The following KCNH1 variants were observed in gnomAD, a reference collection of about 807,000 sequenced individuals.
KCNH1 encodes the protein potassium voltage-gated channel subfamily H member 1.
Under a neutral mutation model 69.2 loss-of-function variants are expected in KCNH1, and 27 were observed. That is an observed-to-expected ratio of 0.39 (90% confidence interval 0.29 to 0.54). KCNH1 has a LOEUF of 0.54. KCNH1 is among the 20% of genes least tolerant of loss of function. The probability of loss-of-function intolerance (pLI) is 0.68; values close to 1 mark genes in which losing one functional copy is unlikely to be tolerated. For synonymous variants in KCNH1, 456 were observed against 487.7 expected (o/e 0.93, Z 0.86); for missense variants, 798 against 1,261.6 (o/e 0.63, Z 5.57).
At chr1:210,928,076 A>C (rs1428406575) in intron 6 of KCNH1, among the ~76,000 whole-genome samples, 1 of 152,156 alleles carries the variant, frequency 6.6e-6, no homozygotes, top group Non-Finnish European at 1.5e-5. Context: ...TTACTACTAG[A>C]CCTAAGAAAT....
chr1:211,084,563 A>G (rs1299585900), intron 4 of KCNH1, among the ~76,000 whole-genome samples: 1 of 152,242 alleles, frequency 6.6e-6, no homozygotes, highest in Non-Finnish European at 1.5e-5. Flanking sequence ...TCTCTGGCCT[A>G]GCCCTGATTC....
At chr1:211,036,868 G>A (rs535987026) in intron 5 of KCNH1, among the ~76,000 whole-genome samples, 1 of 152,174 alleles carries the variant, frequency 6.6e-6, no homozygotes, top group East Asian at 1.9e-4. Flanking sequence ...TTCCCCAAAG[G>A]CAGATGCTAC....
At chr1:211,069,363 A>C (rs1475096785) in intron 5 of KCNH1, among the ~76,000 whole-genome samples, 5 of 149,292 alleles carry the variant, frequency 3.3e-5, no homozygotes, top group African/African-American at 1.2e-4. Context: ...AAAAGTCACA[A>C]GGCATATTGA....
At chr1:210,939,491 C>A (rs761504153) in intron 6 of KCNH1, among the ~76,000 whole-genome samples, 1 of 152,116 alleles carries the variant, frequency 6.6e-6, no homozygotes, top group Non-Finnish European at 1.5e-5. Context: ...TCAGCAAGTG[C>A]AAGATGTCCT....
intron 6 of KCNH1, among the ~76,000 whole-genome samples, chr1:210,962,827 G>A (rs1425228732): frequency 1.3e-5 from 2 of 150,040 alleles, no homozygotes; most frequent in African/African-American, 4.9e-5. Context: ...GTTATTTCAG[G>A]TTCTCAGACT....
At chr1:210,702,466 T>C (rs1681805996) in intron 10 of KCNH1, among the ~76,000 whole-genome samples, 1 of 152,340 alleles carries the variant, frequency 6.6e-6, no homozygotes, top group East Asian at 1.9e-4. Flanking sequence ...CAGACTTTTA[T>C]TATGTTTTAA....
chr1:210,845,971 C>A lies in KCNH1; in HGVS notation c.1463-41805G>T, dbSNP rs561966968. Reference sequence around the variant, plus strand: ...GAGAGCCAAATCATGAGTGAACTCCCATTCACAATTGCTTCAAAGAGAATA... The same window carrying A: ...GAGAGCCAAATCATGAGTGAACTCCAATTCACAATTGCTTCAAAGAGAATA... On this transcript the variant is annotated intron_variant, in intron 7 of 10. Transcript: ENST00000271751. Among the ~76,000 whole-genome samples, 32 of 152,288 alleles carry A rather than the reference C, an allele frequency of 2.1e-4. 1 individual carries two copies. The highest frequency in any genetic ancestry group is 5.8e-4 in the African/African-American group (24 of 41,568).
chr1:210,824,228 C>T (rs1188012964), intron 7 of KCNH1, among the ~76,000 whole-genome samples: 1 of 151,788 alleles, frequency 6.6e-6, no homozygotes. Context: ...GAGATTGAGA[C>T]CCTCAGGTTT....
intron 7 of KCNH1, among the ~76,000 whole-genome samples, chr1:210,914,283 A>G (rs1687293558): frequency 6.6e-6 from 1 of 152,104 alleles, no homozygotes; most frequent in East Asian, 1.9e-4. Context: ...AGAGCCCACT[A>G]TGTGTTGGAA....
At chr1:210,710,164 G>A (rs1331503718) in intron 10 of KCNH1, among the ~76,000 whole-genome samples, 1 of 152,074 alleles carries the variant, frequency 6.6e-6, no homozygotes, top group African/African-American at 2.4e-5. Flanking sequence ...AGATAATTGT[G>A]TTTGTCTATC....
chr1:210,873,054 T>C (rs1165525332), intron 7 of KCNH1, among the ~76,000 whole-genome samples: 1 of 152,234 alleles, frequency 6.6e-6, no homozygotes, highest in African/African-American at 2.4e-5. Context: ...TCTGTAGCTT[T>C]TGACAGAATT....
chr1:210,700,987 G>A (rs1490888726), intron 10 of KCNH1, among the ~76,000 whole-genome samples: 1 of 152,014 alleles, frequency 6.6e-6, no homozygotes, highest in Non-Finnish European at 1.5e-5. Flanking sequence ...GCCCAGGCTG[G>A]AGTGCAGTGG....
rs757087158 is a variant in KCNH1 at position 211,133,963 on chromosome 1, G to A, written c.-18C>T. The A allele has an allele frequency of 4.4e-6, 7 of 1,604,520 alleles. No individual in the cohort carries two copies. The highest frequency in any genetic ancestry group is 2.3e-5 in the East Asian group (1 of 43,882). ...ATGGTCATCCTCCCAGCAGCTCGGG[G>A]TCCGGCGGGCGTCCTGGCGCGGCTT... On this transcript the variant is annotated 5_prime_UTR_variant, in exon 1 of 11. Coordinates refer to ENST00000271751, the MANE Select transcript of KCNH1 (RefSeq NM_172362.3). The surrounding 1 kb of genome is among the most constrained non-coding windows in gnomAD (Gnocchi z 5.4).
At chr1:210,852,901 T>G (rs757540070) in intron 7 of KCNH1, among the ~76,000 whole-genome samples, 5 of 152,166 alleles carry the variant, frequency 3.3e-5, no homozygotes, top group Non-Finnish European at 4.4e-5. Flanking sequence ...CTGTTTATGC[T>G]CAAAAGATGA....
chr1:210,680,211 C>G lies in KCNH1; in HGVS notation c.*3070G>C. ...CATCAGCCGGGAGGAGCACGTTCAACCAGCAGCCAAGTGACAGGGACAGGA... is the reference window on the plus strand; with the variant it reads ...CATCAGCCGGGAGGAGCACGTTCAAGCAGCAGCCAAGTGACAGGGACAGGA... On this transcript the variant is annotated 3_prime_UTR_variant, in exon 11 of 11. Transcript: ENST00000271751. 6.6e-6 allele frequency: 1 copy of G among 152,280 alleles called. No individual in the cohort carries two copies. Among genetic ancestry groups the G allele is most frequent in the Non-Finnish European group, 1.5e-5 (1 of 68,122 alleles). The allele number at this position is 152,280 out of a possible 1,614,324, so 9.4% of individuals were successfully genotyped here.
At chr1:210,886,455 G>C (rs1043585350) in intron 7 of KCNH1, among the ~76,000 whole-genome samples, 3 of 152,204 alleles carry the variant, frequency 2.0e-5, no homozygotes, top group Middle Eastern at 3.4e-3. Flanking sequence ...AGTGCAAAAA[G>C]TCTGAAAATT....
At chr1:211,131,248 C>T (rs767213845) in intron 1 of KCNH1, among the ~76,000 whole-genome samples, 3 of 151,714 alleles carry the variant, frequency 2.0e-5, no homozygotes, top group African/African-American at 7.3e-5. Flanking sequence ...TCAAATAACC[C>T]AAAATGAAGT....
intron 6 of KCNH1, among the ~76,000 whole-genome samples, chr1:211,012,827 A>T (rs1281799132): frequency 6.6e-6 from 1 of 152,206 alleles, no homozygotes; most frequent in Non-Finnish European, 1.5e-5. Flanking sequence ...CTCATCAATG[A>T]TGACAAGTAT....
chr1:210,769,792 A>T (rs1310025004), intron 10 of KCNH1, among the ~76,000 whole-genome samples: 2 of 152,206 alleles, frequency 1.3e-5, no homozygotes, highest in Admixed American at 1.3e-4. Context: ...GGTTGAAAGG[A>T]AAGTAGAGCC....
Sources: gnomAD v4.1 joint callset for allele counts (sites outside exome capture counted in the v4.1 genomes callset) on GRCh38, gnomAD v4.1.1 for gene constraint, Gnocchi (gnomAD v3.1) non-coding constraint, MANE v1.5 for transcripts, NCBI Gene and HGNC (gene_info 2026-07-23, HGNC 2026-07-21) for gene names.